Variants in PHLPP2 observed in about 807,000 individuals in gnomAD.
The protein encoded by PHLPP2 is PH domain and leucine rich repeat protein phosphatase 2, also known as PH domain leucine-rich repeat-containing protein phosphatase 2.
Under a neutral mutation model 124.9 loss-of-function variants are expected in PHLPP2, and 66 were observed. The ratio of observed to expected loss-of-function variants is 0.53; its 90% CI spans 0.43 to 0.65. The LOEUF (loss-of-function observed/expected upper bound fraction) is 0.65. Among genes scored for constraint, PHLPP2 ranks in the 30% least tolerant of loss-of-function variants. The pLI, the probability that PHLPP2 is intolerant of heterozygous loss-of-function variation, is 0.00. For missense variants in PHLPP2, 1,685 were observed against 1,600.4 expected, an observed-to-expected ratio of 1.05 and a Z score of -0.90; for synonymous variants, 681 against 624.7, an observed-to-expected ratio of 1.09 and a Z score of -1.34.
chr16:71,717,861 C>T (rs2045373429), intron 1 of PHLPP2, among the ~76,000 whole-genome samples: 2 of 152,174 alleles, frequency 1.3e-5, no homozygotes, highest in South Asian at 4.1e-4. Flanking sequence ...CACTGACCTT[C>T]TAAATCTTAG....
At chr16:71,683,039 C>T (rs910297453) in intron 5 of PHLPP2, among the ~76,000 whole-genome samples, 4 of 151,948 alleles carry the variant, frequency 2.6e-5, no homozygotes, top group East Asian at 1.9e-4. Flanking sequence ...GGCGTGATGG[C>T]GCACACCTGT....
chr16:71,719,287 C>A (rs945258542), intron 1 of PHLPP2, among the ~76,000 whole-genome samples: 5 of 152,198 alleles, frequency 3.3e-5, no homozygotes, highest in African/African-American at 9.7e-5. Context: ...GTAATCCCAG[C>A]ACTTTGGGAG....
At chr16:71,689,687 C>T (rs536392035) in intron 4 of PHLPP2, among the ~76,000 whole-genome samples, 22 of 152,026 alleles carry the variant, frequency 1.4e-4, no homozygotes, top group East Asian at 1.9e-4. Flanking sequence ...CACGAGCCAC[C>T]GCACCCGGCC....
intron 11 of PHLPP2, 28 bp downstream of exon 11, chr16:71,669,247 C>T (rs1250644622): frequency 1.4e-6 from 2 of 1,443,358 alleles, no homozygotes; most frequent in Non-Finnish European, 1.9e-6. Flanking sequence ...TTAGTATATA[C>T]ATAATATATG....
rs1169329429 is a variant in PHLPP2, at chr16:71,653,096, CTTCTT to C, written c.2586-80_2586-76del. On this transcript the variant is annotated intron_variant, in intron 17 of 18. Coordinates refer to ENST00000568954, the MANE Select transcript of PHLPP2 (RefSeq NM_015020.3). ...AAGTGGTGGTCCTGCACGTACATCCCTTCTTTTTTTTTTTTTTTTTTTTTACCATG... is the reference window on the plus strand; with the variant it reads ...AAGTGGTGGTCCTGCACGTACATCCCTTTTTTTTTTTTTTTTTTTACCATG... 7.3e-5 allele frequency: 54 copies of C among 743,408 alleles called. No homozygotes were observed. In the Middle Eastern group the frequency reaches 1.9e-3, roughly 27 times the overall value. The allele number at this position is 743,408 out of a possible 1,614,324, so 46.1% of individuals were successfully genotyped here. A position where few individuals can be genotyped will look rare whatever the true frequency, so the allele number is the denominator to read the frequency against.
rs1002215653 is a variant in PHLPP2, at chr16:71,647,316, T to C, written c.*1574A>G. ...GGTTATGTGGAATGTGCAAAGAGTA[T>C]AGGTTTTCTGTAAGCTTAAGAATTT... On this transcript the variant is annotated 3_prime_UTR_variant, in exon 19 of 19. Transcript: ENST00000568954. The C allele has an allele frequency of 2.0e-5, 3 of 152,490 alleles. No homozygotes were observed. The highest frequency in any genetic ancestry group is 6.6e-5 in the Admixed American group (1 of 15,260). 9.4% of individuals were successfully genotyped at this position (152,490 alleles called of 1,614,324 possible). A position where few individuals can be genotyped will look rare whatever the true frequency, so the allele number is the denominator to read the frequency against.
At chr16:71,721,345 A>T (rs1274234659) in intron 1 of PHLPP2, among the ~76,000 whole-genome samples, 1 of 151,880 alleles carries the variant, frequency 6.6e-6, no homozygotes, top group African/African-American at 2.4e-5. Flanking sequence ...GGCTGGGTGC[A>T]GTGGCTCATG....
intron 1 of PHLPP2, among the ~76,000 whole-genome samples, chr16:71,719,964 A>ATTTTTTTTTTTTTT (rs756642820): frequency 0.04 from 2,139 of 53,160 alleles, 426 homozygotes; most frequent in East Asian, 0.32. Context: ...TGCCCAGCTA[A>ATTTTTTTTTTTTTT]TTTTTTTTTT....
chr16:71,674,072 G>A (rs925064280), intron 9 of PHLPP2, among the ~76,000 whole-genome samples: 1 of 146,290 alleles, frequency 6.8e-6, no homozygotes, highest in Non-Finnish European at 1.5e-5. Flanking sequence ...CTTTATATGT[G>A]GCAGACTTTT....
chr16:71,711,832 A>G (rs1436485163), intron 2 of PHLPP2, among the ~76,000 whole-genome samples: 2 of 152,252 alleles, frequency 1.3e-5, no homozygotes, highest in African/African-American at 2.4e-5. Flanking sequence ...TGATTAGATA[A>G]TGTAAAACTG....
chr16:71,718,779 A>T (rs980847900), intron 1 of PHLPP2, among the ~76,000 whole-genome samples: 6 of 152,170 alleles, frequency 3.9e-5, no homozygotes, highest in Admixed American at 2.0e-4. Context: ...ACCTCAAAGG[A>T]TCTATCTCCT....
At chr16:71,651,167 C>A (rs1486472888) in intron 18 of PHLPP2, among the ~76,000 whole-genome samples, 2 of 152,020 alleles carry the variant, frequency 1.3e-5, no homozygotes, top group Admixed American at 1.3e-4. Context: ...GGAAAAACCC[C>A]ATCTCTACTA....
At chr16:71,655,484 T>C in intron 16 of PHLPP2, 50 bp from the exon 17 acceptor site, 1 of 1,402,912 alleles carries the variant, frequency 7.1e-7, no homozygotes, top group Non-Finnish European at 9.9e-7. Context: ...TGGTAAAATA[T>C]TATTCTCCAG....
rs571694463 is a variant in PHLPP2, at chr16:71,656,128, G to A, written c.2390+443C>T. ...ATGAGAGTGCACCCCATGGAACCCC[G>A]GGGTATACAGGTAAGTCTTGCTGAA... On this transcript the variant is annotated intron_variant, in intron 16 of 18. Transcript: ENST00000568954. Among the ~76,000 whole-genome samples the A allele has an allele frequency of 6.6e-5, 10 of 152,216 alleles. 1 individual carries two copies. Among genetic ancestry groups the A allele is most frequent in the Admixed American group, 3.9e-4 (6 of 15,288 alleles).
At chr16:71,670,695 A>AATACACACACACACACACAC (rs1555545718) in intron 10 of PHLPP2, among the ~76,000 whole-genome samples, 2 of 128,940 alleles carry the variant, frequency 1.6e-5, no homozygotes, top group African/African-American at 5.9e-5. Context: ...AGAGGCTGAA[A>AATACACACACACACACACAC]ACACACACAC....
In PHLPP2 at chr16:71,714,751, C is replaced by T. The variant is rs778903993; in HGVS notation, c.45G>A (p.Arg15=). ...GSRNCLNRRS[R]FGSRERDWLR... is the part of the protein sequence containing the mutation. The stretch of plus-strand genomic sequence containing the variant: ...GCCAGTCTCTTTCTCGAGAACCAAA[C>T]CTACTTCTCCTATTCAAACAATTTC... Residue 15 remains arginine, a synonymous_variant, in exon 2 of 19, where the codon AGG becomes AGA. Transcript: ENST00000568954. 9 of 1,614,076 alleles carry T rather than the reference C, an allele frequency of 5.6e-6. No individual in the cohort carries two copies. The highest frequency in any genetic ancestry group is 1.6e-4 in the Middle Eastern group (1 of 6,062).
At chr16:71,717,705 C>T (rs1291304329) in intron 1 of PHLPP2, among the ~76,000 whole-genome samples, 1 of 152,170 alleles carries the variant, frequency 6.6e-6, no homozygotes, top group African/African-American at 2.4e-5. Flanking sequence ...ACTGGACCAT[C>T]TGAAAACAGT....
intron 1 of PHLPP2, among the ~76,000 whole-genome samples, chr16:71,721,131 A>T (rs1386517482): frequency 6.7e-6 from 1 of 148,536 alleles, no homozygotes; most frequent in Non-Finnish European, 1.5e-5. Context: ...CCAGGAGTTG[A>T]AGGCCAGCCT....
intron 2 of PHLPP2, among the ~76,000 whole-genome samples, chr16:71,709,384 T>C (rs1435121684): frequency 1.3e-5 from 2 of 152,190 alleles, no homozygotes; most frequent in Non-Finnish European, 2.9e-5. Context: ...TTTTAAAAGA[T>C]AGCTACTGAC....
Sources: gnomAD v4.1 joint callset for allele counts (sites outside exome capture counted in the v4.1 genomes callset) on GRCh38, gnomAD v4.1.1 for gene constraint, MANE v1.5 for transcripts, NCBI Gene and HGNC (gene_info 2026-07-23, HGNC 2026-07-21) for gene names.